Variants in RAB18 observed in about 807,000 individuals in gnomAD.
RAB18 encodes RAB18, member RAS oncogene family.
Under a neutral mutation model 28.5 loss-of-function variants are expected in RAB18, and 10 were observed. That is an observed-to-expected ratio of 0.35 (90% confidence interval 0.22 to 0.60). The LOEUF is 0.60. Ranked by LOEUF, RAB18 falls within the 20% of genes least tolerant of loss-of-function variation. RAB18 has a pLI of 0.78. For synonymous variants in RAB18, 93 were observed against 86.9 expected (o/e 1.07, Z -0.39); for missense variants, 188 against 244.2 (o/e 0.77, Z 1.53).
At chr10:27,531,471 G>T in intron 3 of RAB18, 1 of 1,523,290 alleles carries the variant, frequency 6.6e-7, no homozygotes, top group Non-Finnish European at 8.8e-7. Flanking sequence ...ATTTACAGCA[G>T]TGGGACTGGT....
chr10:27,510,267 T>C (rs1564827273), intron 2 of RAB18: 1 of 341,790 alleles, frequency 2.9e-6, no homozygotes. Context: ...TGCCAGGGAC[T>C]GCTACTAAGA....
chr10:27,522,342 T>C (rs906773608), intron 2 of RAB18, among the ~76,000 whole-genome samples: 6 of 152,198 alleles, frequency 3.9e-5, no homozygotes, highest in Non-Finnish European at 5.9e-5. Flanking sequence ...TGACTTAAAG[T>C]CTATTTTGTC....
chr10:27,540,888 G>GCA lies in RAB18; in HGVS notation c.*2839_*2840dup. ...TGATTCTCTACTAAGGGTGGGGCTA[G>GCA]CACCATAGCTCATAAAAGAATCCTT... On this transcript the variant is annotated 3_prime_UTR_variant, in exon 7 of 7. Coordinates refer to ENST00000356940, the MANE Select transcript of RAB18 (RefSeq NM_021252.5). The GCA allele has an allele frequency of 4.4e-6, 2 of 454,058 alleles. No homozygotes were observed. Among genetic ancestry groups the GCA allele is most frequent in the Non-Finnish European group, 8.8e-6 (2 of 226,790 alleles). The allele number at this position is 454,058 out of a possible 1,614,324, so 28.1% of individuals were successfully genotyped here. A position where few individuals can be genotyped will look rare whatever the true frequency, so the allele number is the denominator to read the frequency against.
In RAB18 at chr10:27,540,465, C is replaced by T. The variant is rs538126452; in HGVS notation, c.*2414C>T. On this transcript the variant is annotated 3_prime_UTR_variant, in exon 7 of 7. Coordinates refer to ENST00000356940, the MANE Select transcript of RAB18 (RefSeq NM_021252.5). ...ACACAACCAAGTTAAGGCAGTTCCACTATTTCTTTATCACTCTTTTGTTAT... is the reference window on the plus strand; with the variant it reads ...ACACAACCAAGTTAAGGCAGTTCCATTATTTCTTTATCACTCTTTTGTTAT... 86 of 454,068 alleles carry T rather than the reference C, an allele frequency of 1.9e-4. No individual in the cohort carries two copies. Among genetic ancestry groups the T allele is most frequent in the African/African-American group, 1.6e-3 (79 of 50,110 alleles). The allele number at this position is 454,068 out of a possible 1,614,324, so 28.1% of individuals were successfully genotyped here.
intron 2 of RAB18, among the ~76,000 whole-genome samples, chr10:27,511,242 C>T (rs1488275237): frequency 6.6e-6 from 1 of 152,140 alleles, no homozygotes; most frequent in African/African-American, 2.4e-5. Context: ...CTAGCTCTGT[C>T]GCTCAGGCTG....
chr10:27,526,322 ATT>A (rs998697184), intron 2 of RAB18, among the ~76,000 whole-genome samples: 1 of 152,172 alleles, frequency 6.6e-6, no homozygotes, highest in African/African-American at 2.4e-5. Flanking sequence ...AAATAAAGAG[ATT>A]ATATGACAAG....
intron 1 of RAB18, among the ~76,000 whole-genome samples, chr10:27,505,460 T>A (rs1309355074): frequency 6.6e-6 from 1 of 152,246 alleles, no homozygotes; most frequent in Non-Finnish European, 1.5e-5. Context: ...ATGAAAGCTC[T>A]CCTCAAATAA....
At position 27,537,991 on chromosome 10, in the gene RAB18, G is replaced by C. The variant is rs1465201433; in HGVS notation, c.561G>C (p.Leu187=). ...AGAACCAGAATAAAGGAGTCAAACT[G>C]TCACACAGGGAAGAAGGCCAAGGAG... ...ESENQNKGVK[L]SHREEGQGGG... The change falls in exon 7 of 7, where the codon CTG becomes CTC. Residue 187 remains leucine, a synonymous_variant. Transcript: ENST00000356940. 2.5e-6 allele frequency: 4 copies of C among 1,614,122 alleles called. No individual in the cohort carries two copies. The highest frequency in any genetic ancestry group is 3.4e-6 in the Non-Finnish European group (4 of 1,179,986).
chr10:27,507,315 GA>G (rs1200217667), intron 1 of RAB18, among the ~76,000 whole-genome samples: 1 of 152,200 alleles, frequency 6.6e-6, no homozygotes, highest in Non-Finnish European at 1.5e-5. Flanking sequence ...TCAGGATTAT[GA>G]AACTGGGGCT....
intron 2 of RAB18, among the ~76,000 whole-genome samples, chr10:27,515,627 G>T (rs2138985608): frequency 6.6e-6 from 1 of 152,212 alleles, no homozygotes; most frequent in Non-Finnish European, 1.5e-5. Context: ...CCAGCACTTT[G>T]TGAGGCCAAG....
chr10:27,536,395 A>T (rs891728236), intron 6 of RAB18, among the ~76,000 whole-genome samples: 17 of 152,276 alleles, frequency 1.1e-4, no homozygotes, highest in Admixed American at 1.1e-3. Flanking sequence ...TCCAAATAAA[A>T]TCAGCTGTGT....
intron 1 of RAB18, among the ~76,000 whole-genome samples, chr10:27,508,341 T>C (rs974784556): frequency 4.6e-5 from 7 of 152,248 alleles, no homozygotes; most frequent in Non-Finnish European, 1.0e-4. Flanking sequence ...AACCTCTGGC[T>C]TTGTGTCTGC....
intron 2 of RAB18, among the ~76,000 whole-genome samples, chr10:27,521,857 A>G (rs115518531): frequency 1.3e-5 from 2 of 151,924 alleles, no homozygotes; most frequent in Non-Finnish European, 2.9e-5. Flanking sequence ...TAAAAAAAAA[A>G]TAGGATAAAG....
At chr10:27,535,953 G>C (rs1409912369) in intron 6 of RAB18, among the ~76,000 whole-genome samples, 1 of 152,024 alleles carries the variant, frequency 6.6e-6, no homozygotes, top group Admixed American at 6.6e-5. Flanking sequence ...CGTGGTGGCG[G>C]GTGCCTGTAG....
rs1375753030 is a variant in RAB18 at position 27,541,203 on chromosome 10, G to C, written c.*3152G>C. On this transcript the variant is annotated 3_prime_UTR_variant, in exon 7 of 7. Coordinates refer to ENST00000356940, the MANE Select transcript of RAB18 (RefSeq NM_021252.5). ...TTCAGCTTTCAGAAGACATTGTTCT[G>C]ACTCCGACCCTGCCGTGTATACTCA... 6.6e-6 allele frequency: 3 copies of C among 453,922 alleles called. No individual in the cohort carries two copies. The highest frequency in any genetic ancestry group is 6.0e-5 in the African/African-American group (3 of 50,050). The allele number at this position is 453,922 out of a possible 1,614,324, so 28.1% of individuals were successfully genotyped here. A position where few individuals can be genotyped will look rare whatever the true frequency, so the allele number is the denominator to read the frequency against.
At chr10:27,529,913 C>T (rs972613758) in intron 3 of RAB18, among the ~76,000 whole-genome samples, 2 of 151,898 alleles carry the variant, frequency 1.3e-5, no homozygotes, top group Non-Finnish European at 2.9e-5. Flanking sequence ...AAACATCTGG[C>T]CTAATTATTA....
chr10:27,516,526 C>T (rs1834440597), intron 2 of RAB18, among the ~76,000 whole-genome samples: 1 of 151,316 alleles, frequency 6.6e-6, no homozygotes, highest in Non-Finnish European at 1.5e-5. Context: ...CCACTGCACT[C>T]CAGCCTGGGT....
In RAB18 at chr10:27,504,697, A is replaced by G. The variant is rs577549350; in HGVS notation, c.68+260A>G. ...CCTCCTGTAGCGCCGAGAAAACACCATTCCGAGGGCCGCCGCTCGGCCGGC... is the reference window on the plus strand; with the variant it reads ...CCTCCTGTAGCGCCGAGAAAACACCGTTCCGAGGGCCGCCGCTCGGCCGGC... On this transcript the variant is annotated intron_variant, in intron 1 of 6. Transcript: ENST00000356940. 30 of 706,152 alleles carry G rather than the reference A, an allele frequency of 4.2e-5. No homozygotes were observed. The East Asian group carries it at 8.3e-4, about 20-fold the overall frequency. The allele number at this position is 706,152 out of a possible 1,614,324, so 43.7% of individuals were successfully genotyped here. A position where few individuals can be genotyped will look rare whatever the true frequency, so the allele number is the denominator to read the frequency against.
At chr10:27,509,733 C>T (rs947938174) in intron 1 of RAB18, 142 bp from the exon 2 acceptor site, 2 of 727,160 alleles carry the variant, frequency 2.8e-6, no homozygotes, top group Admixed American at 4.1e-5. Context: ...TATACCTGCT[C>T]TGAGGCAGTA....
Sources: gnomAD v4.1 joint callset for allele counts (sites outside exome capture counted in the v4.1 genomes callset) on GRCh38, gnomAD v4.1.1 for gene constraint, MANE v1.5 for transcripts, NCBI Gene and HGNC (gene_info 2026-07-23, HGNC 2026-07-21) for gene names.